Variants in VSX2 observed in about 807,000 individuals in gnomAD.
VSX2 encodes the protein ceh-10 homeo domain containing homolog.
In VSX2, 28 loss-of-function variants were observed where a neutral mutation model predicts 32.1. The observed-to-expected ratio is 0.87, with a 90% confidence interval of 0.65 to 1.20. The LOEUF (loss-of-function observed/expected upper bound fraction) is 1.20, where lower values mean the gene tolerates loss of function less well. VSX2 is among the 50% of genes most tolerant of loss of function. The pLI is 0.00. For missense variants in VSX2, 506 were observed against 488.7 expected (o/e 1.04, Z -0.33); for synonymous variants, 243 against 214.1 (o/e 1.14, Z -1.18).
At chr14:74,258,063 A>T (rs2079278666) in intron 3 of VSX2, among the ~76,000 whole-genome samples, 1 of 151,778 alleles carries the variant, frequency 6.6e-6, no homozygotes, top group Non-Finnish European at 1.5e-5. Flanking sequence ...GCCGGGGGGA[A>T]GGGGGAAAAT....
In VSX2 at chr14:74,261,047, T is replaced by C; in HGVS notation, c.*128T>C. 1.8e-6 allele frequency: 2 copies of C among 1,133,358 alleles called. No homozygotes were observed. Among genetic ancestry groups the C allele is most frequent in the South Asian group, 2.9e-5 (2 of 69,516 alleles). The allele number at this position is 1,133,358 out of a possible 1,614,324, so 70.2% of individuals were successfully genotyped here. A position where few individuals can be genotyped will look rare whatever the true frequency, so the allele number is the denominator to read the frequency against. On this transcript the variant is annotated 3_prime_UTR_variant, in exon 5 of 5. Coordinates refer to ENST00000261980, the MANE Select transcript of VSX2 (RefSeq NM_182894.3). Reference sequence around the variant, plus strand: ...CATCCTCCCTGTTCCCCACAGGTCCTCCATCACCCCTGGTGGCTGCAGGCA... The same window carrying C: ...CATCCTCCCTGTTCCCCACAGGTCCCCCATCACCCCTGGTGGCTGCAGGCA...
At chr14:74,245,051 G>A in intron 2 of VSX2, 114 bp from the exon 3 acceptor site, 2 of 1,406,620 alleles carry the variant, frequency 1.4e-6, no homozygotes, top group Non-Finnish European at 2.0e-6. Context: ...ATTGTGCTGA[G>A]CCAGCCTGGG....
At chr14:74,246,477 A>G (rs1427821723) in intron 3 of VSX2, among the ~76,000 whole-genome samples, 1 of 152,242 alleles carries the variant, frequency 6.6e-6, no homozygotes, top group African/African-American at 2.4e-5. Flanking sequence ...AGACATTGAC[A>G]CTAACAATAA....
intron 2 of VSX2, among the ~76,000 whole-genome samples, chr14:74,244,301 G>T (rs573443267): frequency 6.6e-6 from 1 of 152,270 alleles, no homozygotes; most frequent in South Asian, 2.1e-4. Flanking sequence ...AGGGTGGCCC[G>T]AATGGAACCC....
At chr14:74,248,361 C>CAAAAAAAAAA (rs1491196982) in intron 3 of VSX2, among the ~76,000 whole-genome samples, 3 of 132,790 alleles carry the variant, frequency 2.3e-5, no homozygotes, top group African/African-American at 8.5e-5. Flanking sequence ...ACAAAAAAAA[C>CAAAAAAAAAA]CAAAAACGAG....
At position 74,261,035 on chromosome 14, in the gene VSX2, C is replaced by T. The variant is rs1333553229; in HGVS notation, c.*116C>T. 6.5e-6 allele frequency: 8 copies of T among 1,229,626 alleles called. No individual in the cohort carries two copies. The South Asian group carries it at 8.2e-5, about 13-fold the overall frequency. 76.2% of individuals were successfully genotyped at this position (1,229,626 alleles called of 1,614,324 possible). On this transcript the variant is annotated 3_prime_UTR_variant, in exon 5 of 5. Transcript: ENST00000261980. Reference sequence around the variant, plus strand: ...CCTGGCCTCTGCCATCCTCCCTGTTCCCCACAGGTCCTCCATCACCCCTGG... The same window carrying T: ...CCTGGCCTCTGCCATCCTCCCTGTTTCCCACAGGTCCTCCATCACCCCTGG...
intron 3 of VSX2, among the ~76,000 whole-genome samples, chr14:74,252,489 C>G (rs887803050): frequency 3.9e-5 from 5 of 129,696 alleles, no homozygotes; most frequent in Non-Finnish European, 8.4e-5. Context: ...CTCCCGAGTT[C>G]AAGCGATTCT....
chr14:74,258,478 G>A (rs1566888055), intron 3 of VSX2, among the ~76,000 whole-genome samples: 1 of 152,072 alleles, frequency 6.6e-6, no homozygotes, highest in Non-Finnish European at 1.5e-5. Flanking sequence ...TCCCAAGCCC[G>A]CCTCGGTCCT....
chr14:74,244,997 AGAGAGAGAGACAGAGAG>A (rs2079181930), intron 2 of VSX2, among the ~76,000 whole-genome samples, 151 bp from the exon 3 acceptor site: 1 of 127,350 alleles, frequency 7.9e-6, no homozygotes, highest in African/African-American at 3.0e-5. Context: ...AGAGAGAGAG[AGAGAGAGAGACAGAGAG>A]AGAGAGAGAG....
chr14:74,253,339 A>G (rs1277237888), intron 3 of VSX2, among the ~76,000 whole-genome samples: 3 of 152,252 alleles, frequency 2.0e-5, no homozygotes, highest in Non-Finnish European at 2.9e-5. Flanking sequence ...GATCAAAGGA[A>G]TATTGTGGGT....
At position 74,239,508 on chromosome 14, in the gene VSX2, G is replaced by T. The variant is rs565838448; in HGVS notation, c.-54G>T. The T allele has an allele frequency of 9.0e-6, 14 of 1,548,936 alleles. No homozygotes were observed. Among genetic ancestry groups the T allele is most frequent in the Admixed American group, 7.8e-5 (4 of 50,972 alleles). ...CTTCGCGAAGCGGGAAGCCCGGCGG[G>T]GGGGTGGGGGGAGCTAAAGACCTGC... On this transcript the variant is annotated 5_prime_UTR_variant, in exon 1 of 5. Transcript: ENST00000261980.
chr14:74,247,921 C>T (rs2139636581), intron 3 of VSX2, among the ~76,000 whole-genome samples: 2 of 152,180 alleles, frequency 1.3e-5, no homozygotes, highest in Middle Eastern at 3.4e-3. Flanking sequence ...ACCAGCAGCC[C>T]ACCTGTGTCT....
chr14:74,260,990 TC>T lies in VSX2; in HGVS notation c.*72del. 6.6e-7 allele frequency: 1 copy of T among 1,521,714 alleles called. No individual in the cohort carries two copies. The allele number at this position is 1,521,714 out of a possible 1,614,324, so 94.3% of individuals were successfully genotyped here. ...CGGGCCCTGTGGTGCTGGGAGATGC[TC>T]TCTGAGGCAAGGCCCAGACCTGGCC... On this transcript the variant is annotated 3_prime_UTR_variant, in exon 5 of 5. Transcript: ENST00000261980.
At chr14:74,243,714 C>T (rs1045655291) in intron 2 of VSX2, among the ~76,000 whole-genome samples, 4 of 151,606 alleles carry the variant, frequency 2.6e-5, no homozygotes, top group South Asian at 2.1e-4. Flanking sequence ...CCCCCCACCC[C>T]CAGAGAATAG....
At chr14:74,248,090 C>T (rs2079204095) in intron 3 of VSX2, among the ~76,000 whole-genome samples, 2 of 151,970 alleles carry the variant, frequency 1.3e-5, no homozygotes, top group Non-Finnish European at 2.9e-5. Context: ...GCTTTTCTAC[C>T]TTGACTTCCC....
At chr14:74,243,913 G>A (rs765360644) in intron 2 of VSX2, among the ~76,000 whole-genome samples, 10 of 152,128 alleles carry the variant, frequency 6.6e-5, no homozygotes, top group Admixed American at 2.0e-4. Flanking sequence ...CTGTGCTGGC[G>A]CCAGAGTCTG....
chr14:74,257,717 C>CT lies in VSX2; in HGVS notation c.580-1885_580-1884insT, dbSNP rs1487460668. On this transcript the variant is annotated intron_variant, in intron 3 of 4. Transcript: ENST00000261980. ...GCAGGAGCGCGCGGACCACCCCCCA[C>CT]CCACTTCCCCCGAGCCCCGCCGGCC... Among the ~76,000 whole-genome samples the CT allele has an allele frequency of 3.8e-4, 57 of 150,426 alleles. 2 individuals carry two copies. The highest frequency in any genetic ancestry group is 1.0e-3 in the East Asian group (5 of 4,954).
At chr14:74,249,589 C>T (rs2079216794) in intron 3 of VSX2, among the ~76,000 whole-genome samples, 1 of 152,060 alleles carries the variant, frequency 6.6e-6, no homozygotes, top group Admixed American at 6.5e-5. Flanking sequence ...TCATTTAATC[C>T]GTAACAGACA....
At position 74,260,920 on chromosome 14, in the gene VSX2, G is replaced by C. The variant is rs1393348311; in HGVS notation, c.*1G>C. ...ACCGCAGCTGGAGGACATGGCTTAG[G>C]TCAAGGCGCGCTCAGATGCCGGAGC... is the stretch of plus-strand genomic sequence containing the variant. On this transcript the variant is annotated 3_prime_UTR_variant, in exon 5 of 5. Coordinates refer to ENST00000261980, the MANE Select transcript of VSX2 (RefSeq NM_182894.3). 6.4e-7 allele frequency: 1 copy of C among 1,554,940 alleles called. No homozygotes were observed. The highest frequency in any genetic ancestry group is 2.4e-5 in the East Asian group (1 of 41,220).
Sources: gnomAD v4.1 joint callset for allele counts (sites outside exome capture counted in the v4.1 genomes callset) on GRCh38, gnomAD v4.1.1 for gene constraint, MANE v1.5 for transcripts, NCBI Gene and HGNC (gene_info 2026-07-23, HGNC 2026-07-21) for gene names.